Variants in PGAM2 observed in about 807,000 individuals in gnomAD.
PGAM2 encodes BPG-dependent PGAM 2.
Under a neutral mutation model 22.5 loss-of-function variants are expected in PGAM2, and 23 were observed. That is an observed-to-expected ratio of 1.02 (90% CI 0.74 to 1.45). The LOEUF is 1.45. Among genes scored for constraint, PGAM2 ranks in the 40% most tolerant of loss-of-function variants. The pLI is 0.00. For synonymous variants in PGAM2, 133 were observed against 138.6 expected (o/e 0.96, Z 0.29); for missense variants, 349 against 356.2 (o/e 0.98, Z 0.16).
At chr7:44,065,061 AC>A in intron 1 of PGAM2, 49 bp from the exon 2 acceptor site, 1 of 1,610,158 alleles carries the variant, frequency 6.2e-7, no homozygotes, top group South Asian at 1.1e-5. Flanking sequence ...GTGGGCCCCC[AC>A]CCGACTCCCC....
rs2096151667 is a variant in PGAM2 at position 44,062,798 on chromosome 7, A to C, written c.728T>G (p.Met243Arg). 4 of 1,614,154 alleles carry C rather than the reference A, an allele frequency of 2.5e-6. No homozygotes were observed. Among genetic ancestry groups the C allele is most frequent in the South Asian group, 1.1e-5 (1 of 91,086 alleles). Residue 243 changes from methionine to arginine, a missense_variant, in exon 3 of 3, where the codon ATG becomes AGG. Met to Arg is a moderately conservative substitution (Grantham distance 91). Transcript: ENST00000297283. ...CTTGCCCTGGGCAGCCACAGCCTCC[A>C]TGGCCTTCCGCACCGTTTCCTCATC... Reference protein sequence around the residue: ...LGDEETVRKAMEAVAAQGKAK With the variant: ...LGDEETVRKAREAVAAQGKAK
Position 44,064,810 on chromosome 7 carries a change from AGGCT to A in PGAM2, c.595+18_595+21del. The A allele has an allele frequency of 1.6e-6, 1 of 610,340 alleles. No individual in the cohort carries two copies. The highest frequency in any genetic ancestry group is 4.6e-5 in the East Asian group (1 of 21,728). The allele number at this position is 610,340 out of a possible 1,614,324, so 37.8% of individuals were successfully genotyped here. ...GGGCTGCTGCCCACCCACCCTGCCC[AGGCT>A]CCTGAAGGTGGCCTCACCTTCCAGG... On this transcript the variant is annotated intron_variant, in intron 2 of 2. Coordinates refer to ENST00000297283, the MANE Select transcript of PGAM2 (RefSeq NM_000290.4).
At chr7:44,064,793 G>GCCCCCCCCC in intron 2 of PGAM2, 39 bp downstream of exon 2, 1 of 1,136,978 alleles carries the variant, frequency 8.8e-7, no homozygotes, top group Non-Finnish European at 1.3e-6. Context: ...TGGGGCTGCT[G>GCCCCCCCCC]CCCACCCACC....
Position 44,065,545 on chromosome 7 carries a change from C to T in PGAM2, c.-16G>A, listed in dbSNP as rs2096158409. ...GAGTGGCCATGGTGGCAGCAGGGAC[C>T]ACAGAGGACTCTGGACGGGGACGGC... On this transcript the variant is annotated 5_prime_UTR_variant, in exon 1 of 3. Coordinates refer to ENST00000297283, the MANE Select transcript of PGAM2 (RefSeq NM_000290.4). The T allele has an allele frequency of 6.2e-7, 1 of 1,613,082 alleles. No homozygotes were observed. The highest frequency in any genetic ancestry group is 8.5e-7 in the Non-Finnish European group (1 of 1,179,544).
At position 44,065,366 on chromosome 7, in the gene PGAM2, C is replaced by T. The variant is rs777711300; in HGVS notation, c.164G>A (p.Cys55Tyr). 1.2e-6 allele frequency: 2 copies of T among 1,613,886 alleles called. No homozygotes were observed. The highest frequency in any genetic ancestry group is 2.2e-5 in the East Asian group (1 of 44,906). Residue 55 changes from cysteine (C) to tyrosine (Y), a missense_variant, in exon 1 of 3, where the codon TGC becomes TAC. Cys to Tyr is a radical substitution (Grantham distance 194). Coordinates refer to ENST00000297283, the MANE Select transcript of PGAM2 (RefSeq NM_000290.4). The part of the protein sequence containing the change: ...IKDAKMEFDI[C>Y]YTSVLKRAIR... ...GGCCCGCTTCAGCACTGACGTGTAG[C>T]AGATGTCAAACTCCATCTTGGCATC...
Position 44,065,480 on chromosome 7 carries a change from T to G in PGAM2, c.50A>C (p.Asn17Thr). 6.2e-7 allele frequency: 1 copy of G among 1,614,118 alleles called. No individual in the cohort carries two copies. The highest frequency in any genetic ancestry group is 8.5e-7 in the Non-Finnish European group (1 of 1,180,032). ...VMVRHGESTW[N>T]QENRFCGWFD... is the part of the protein sequence containing the mutation. ...CCAGCCACAGAAACGGTTCTCCTGG[T>G]TCCATGTGCTCTCGCCGTGCCGGAC... is the stretch of plus-strand genomic sequence containing the variant. Residue 17 changes from asparagine to threonine, a missense_variant, in exon 1 of 3, where the codon AAC becomes ACC. Physicochemically the swap from Asn to Thr is moderately conservative, Grantham distance 65. Coordinates refer to ENST00000297283, the MANE Select transcript of PGAM2 (RefSeq NM_000290.4).
intron 2 of PGAM2, chr7:44,064,619 C>G: frequency 1.7e-6 from 1 of 590,220 alleles, no homozygotes; most frequent in Non-Finnish European, 3.0e-6. Context: ...GCTTCGAGTG[C>G]AGTCAGCCCC....
chr7:44,065,141 T>C lies in PGAM2; in HGVS notation c.389A>G (p.His130Arg). ...CTTGCTAATGGAGTTGTAGTAGGGG[T>C]GCTTCTCGTCCATCGGGGGCGGCGG... ...DIPPPPMDEK[H>R]PYYNSISKER... The change falls in exon 1 of 3, where the codon CAC becomes CGC. Residue 130 changes from histidine (H) to arginine (R), a missense_variant. Physicochemically the swap from His to Arg is conservative, Grantham distance 29 (BLOSUM62 0). Transcript: ENST00000297283. 1 of 1,613,962 alleles carries C rather than the reference T, an allele frequency of 6.2e-7. No homozygotes were observed.
At position 44,065,020 on chromosome 7, in the gene PGAM2, A is replaced by G. The variant is rs779305853; in HGVS notation, c.415-8T>C. On this transcript the variant is annotated splice_polypyrimidine_tract_variant and splice_region_variant and intron_variant, in intron 1 of 2. Transcript: ENST00000297283. ...GCCTGCGTACCGACGCTCCTGGGGG[A>G]CACAGGCACGCTGCTTTCCCTCCCA... The G allele has an allele frequency of 1.2e-6, 2 of 1,606,450 alleles. No individual in the cohort carries two copies. Among genetic ancestry groups the G allele is most frequent in the Admixed American group, 1.7e-5 (1 of 59,874 alleles).
chr7:44,063,403 T>C (rs2096152871), intron 2 of PGAM2: 1 of 207,778 alleles, frequency 4.8e-6, no homozygotes, highest in South Asian at 7.3e-5. Context: ...TGCCTCAGCC[T>C]CCCAAGTAGC....
At chr7:44,063,176 C>T (rs2096152353) in intron 2 of PGAM2, 1 of 554,428 alleles carries the variant, frequency 1.8e-6, no homozygotes, top group African/African-American at 1.9e-5. Context: ...TGGCTGTGAT[C>T]TGTGGTGGTG....
chr7:44,064,882 A>AGCACTCGCTT lies in PGAM2; in HGVS notation c.535_544dup (p.Leu182GlnfsTer41), dbSNP rs1197908775. 1 of 1,603,708 alleles carries AGCACTCGCTT rather than the reference A, an allele frequency of 6.2e-7. No homozygotes were observed. The highest frequency in any genetic ancestry group is 1.3e-5 in the African/African-American group (1 of 74,432). On this transcript the variant is annotated frameshift_variant, in exon 2 of 3. Coordinates refer to ENST00000297283, the MANE Select transcript of PGAM2 (RefSeq NM_000290.4). LOFTEE classifies it high-confidence loss of function. ...CAGGCTGTTCCCGTGGGCTGCAATG[A>AGCACTCGCTT]GCACTCGCTTGCCGGCCTTGATCTG...
At chr7:44,063,396 C>T (rs1562660319) in intron 2 of PGAM2, 1 of 213,002 alleles carries the variant, frequency 4.7e-6, no homozygotes, top group African/African-American at 2.3e-5. Context: ...GTGATTCTGC[C>T]TCAGCCTCCC....
chr7:44,063,181 G>A (rs921671556), intron 2 of PGAM2: 9 of 546,180 alleles, frequency 1.6e-5, no homozygotes, highest in Non-Finnish European at 3.0e-5. Context: ...GTGATCTGTG[G>A]TGGTGCTGTC....
intron 2 of PGAM2, 39 bp downstream of exon 2, chr7:44,064,793 G>GGCCCCCCCCCCCAGCCCC: frequency 8.8e-7 from 1 of 1,136,982 alleles, no homozygotes; most frequent in Non-Finnish European, 1.3e-6. Flanking sequence ...TGGGGCTGCT[G>GGCCCCCCCCCCCAGCCCC]CCCACCCACC....
At chr7:44,064,451 A>G (rs537772252) in intron 2 of PGAM2, 4 of 311,732 alleles carry the variant, frequency 1.3e-5, no homozygotes, top group South Asian at 1.2e-4. Context: ...ACCACCCCGG[A>G]AAAGGGAGAG....
At chr7:44,064,758 G>A (rs1258194481) in intron 2 of PGAM2, 74 bp downstream of exon 2, 10 of 1,328,808 alleles carry the variant, frequency 7.5e-6, no homozygotes, top group Non-Finnish European at 9.4e-6. Context: ...ATGGGCGAGA[G>A]ACTTTGCTGA....
rs2096151617 is a variant in PGAM2, at chr7:44,062,773, C to A, written c.753G>T (p.Lys251Asn). 1 of 1,614,218 alleles carries A rather than the reference C, an allele frequency of 6.2e-7. No individual in the cohort carries two copies. The highest frequency in any genetic ancestry group is 1.7e-5 in the Admixed American group (1 of 60,034). Residue 251 changes from lysine to asparagine, a missense_variant, in exon 3 of 3, where the codon AAG becomes AAT. Lys to Asn is a moderately conservative substitution (Grantham distance 94). Transcript: ENST00000297283. The stretch of plus-strand genomic sequence containing the variant: ...TGCCCAAGCCCACCCCTCACTTGGC[C>A]TTGCCCTGGGCAGCCACAGCCTCCA... ...KAMEAVAAQGKAK is the reference protein window; with the variant it reads ...KAMEAVAAQGNAK
rs912736971 is a variant in PGAM2, at chr7:44,064,698, C to T, written c.595+134G>A. Reference sequence around the variant, plus strand: ...AAAACTAAAAAATGGCTTCTCAGCCCTCCTTTTTCAGTGAATGATGTGGAG... The same window carrying T: ...AAAACTAAAAAATGGCTTCTCAGCCTTCCTTTTTCAGTGAATGATGTGGAG... On this transcript the variant is annotated intron_variant, in intron 2 of 2. Transcript: ENST00000297283. 1.1e-5 allele frequency: 9 copies of T among 813,984 alleles called. No homozygotes were observed. The African/African-American group carries it at 1.5e-4, about 14-fold the overall frequency. The allele number at this position is 813,984 out of a possible 1,614,324, so 50.4% of individuals were successfully genotyped here.
Sources: gnomAD v4.1 joint callset for allele counts on GRCh38, gnomAD v4.1.1 for gene constraint, MANE v1.5 for transcripts, NCBI Gene and HGNC (gene_info 2026-07-23, HGNC 2026-07-21) for gene names.